The following ZEB1 variants were observed in gnomAD, a reference collection of about 807,000 sequenced individuals.
ZEB1 encodes zinc finger E-box-binding homeobox 1.
Under a neutral mutation model 84.9 loss-of-function variants are expected in ZEB1, and 21 were observed. The ratio of observed to expected loss-of-function variants is 0.25; its 90% CI spans 0.18 to 0.36. The LOEUF (loss-of-function observed/expected upper bound fraction) is 0.36, where lower values mean the gene tolerates loss of function less well. Among genes scored for constraint, ZEB1 ranks in the 10% least tolerant of loss-of-function variants. The pLI is 1.00. For missense variants in ZEB1, 1,104 were observed against 1,330.2 expected, an observed-to-expected ratio of 0.83 and a Z score of 2.65; for synonymous variants, 420 against 471.1, an observed-to-expected ratio of 0.89 and a Z score of 1.41.
intron 2 of ZEB1, among the ~76,000 whole-genome samples, chr10:31,470,049 A>G (rs12265933): frequency 0.057 from 8,646 of 151,300 alleles, 673 homozygotes; most frequent in African/African-American, 0.17. Flanking sequence ...CATCCACACC[A>G]AAAACCCATC....
chr10:31,493,799 G>A (rs1355313905), intron 2 of ZEB1, among the ~76,000 whole-genome samples: 1 of 151,992 alleles, frequency 6.6e-6, no homozygotes, highest in Non-Finnish European at 1.5e-5. Context: ...CCTCAATAAT[G>A]AGGGAAAAAA....
At chr10:31,410,952 A>C (rs1165678570) in intron 1 of ZEB1, among the ~76,000 whole-genome samples, 1 of 152,028 alleles carries the variant, frequency 6.6e-6, no homozygotes, top group East Asian at 1.9e-4. Context: ...CAGCTTCTGG[A>C]TTCATTGATT....
intron 1 of ZEB1, among the ~76,000 whole-genome samples, chr10:31,345,596 G>A (rs780783081): frequency 2.0e-5 from 3 of 152,018 alleles, no homozygotes; most frequent in Admixed American, 2.0e-4. Flanking sequence ...GGGTTATGAG[G>A]CCCACCTTGA....
intron 1 of ZEB1, among the ~76,000 whole-genome samples, chr10:31,427,752 G>T (rs549594977): frequency 6.6e-6 from 1 of 151,988 alleles, no homozygotes; most frequent in Non-Finnish European, 1.5e-5. Context: ...CCAGCTACTC[G>T]AGAGGCTGAG....
At chr10:31,357,705 C>T (rs2042336849) in intron 1 of ZEB1, among the ~76,000 whole-genome samples, 1 of 151,834 alleles carries the variant, frequency 6.6e-6, no homozygotes, top group Non-Finnish European at 1.5e-5. Context: ...TGTTAGTTTC[C>T]TAATAGCTAA....
chr10:31,382,036 A>C (rs540281321), intron 1 of ZEB1, among the ~76,000 whole-genome samples: 1 of 146,344 alleles, frequency 6.8e-6, no homozygotes, highest in African/African-American at 2.6e-5. Flanking sequence ...AAAAAAAAAC[A>C]AAGTAAATTT....
chr10:31,416,404 G>A (rs989560103), intron 1 of ZEB1, among the ~76,000 whole-genome samples: 2 of 152,052 alleles, frequency 1.3e-5, no homozygotes, highest in African/African-American at 4.8e-5. Flanking sequence ...AGATGATGTT[G>A]TGCTGATGTA....
chr10:31,400,361 A>G (rs1266540769), intron 1 of ZEB1, among the ~76,000 whole-genome samples: 1 of 152,198 alleles, frequency 6.6e-6, no homozygotes, highest in East Asian at 1.9e-4. Flanking sequence ...ATCATTGAAT[A>G]AGCATTCAAA....
chr10:31,519,257 G>A (rs950169291), intron 6 of ZEB1, among the ~76,000 whole-genome samples: 1 of 152,078 alleles, frequency 6.6e-6, no homozygotes, highest in Admixed American at 6.6e-5. Flanking sequence ...GGAAACATTA[G>A]GTTTGTAGGA....
intron 1 of ZEB1, among the ~76,000 whole-genome samples, chr10:31,323,841 T>A (rs1006244711): frequency 6.6e-6 from 1 of 152,026 alleles, no homozygotes; most frequent in Non-Finnish European, 1.5e-5. Context: ...TAGTGGTGTT[T>A]TTATAAATGC....
At chr10:31,321,173 GT>G in intron 1 of ZEB1, 1 of 1,084,328 alleles carries the variant, frequency 9.2e-7, no homozygotes, top group Non-Finnish European at 1.1e-6. Flanking sequence ...GCGAGGTTTT[GT>G]AACCTTTCCT....
chr10:31,474,526 A>C (rs576146641), intron 2 of ZEB1, among the ~76,000 whole-genome samples: 1 of 152,304 alleles, frequency 6.6e-6, no homozygotes, highest in Admixed American at 6.5e-5. Flanking sequence ...ATCTCACACC[A>C]GTTAGAATGG....
At chr10:31,513,217 A>G (rs2070423806) in intron 5 of ZEB1, among the ~76,000 whole-genome samples, 1 of 152,182 alleles carries the variant, frequency 6.6e-6, no homozygotes, top group African/African-American at 2.4e-5. Flanking sequence ...TGTTGGCTTC[A>G]GAATATGTTC....
chr10:31,418,317 C>T (rs1260627012), intron 1 of ZEB1, among the ~76,000 whole-genome samples: 1 of 151,716 alleles, frequency 6.6e-6, no homozygotes, highest in African/African-American at 2.4e-5. Context: ...AAAAACAAAA[C>T]AAAACACCAA....
At chr10:31,361,003 C>T in intron 1 of ZEB1, 2 of 1,608,150 alleles carry the variant, frequency 1.2e-6, no homozygotes, top group South Asian at 1.1e-5. Flanking sequence ...GGTACAGGCG[C>T]TTTACAAGGC....
At chr10:31,489,862 G>C (rs960494506) in intron 2 of ZEB1, among the ~76,000 whole-genome samples, 1 of 151,194 alleles carries the variant, frequency 6.6e-6, no homozygotes, top group Non-Finnish European at 1.5e-5. Context: ...CTTTATGACA[G>C]TCTTCCTTTA....
chr10:31,487,646 T>C (rs1379373103), intron 2 of ZEB1, among the ~76,000 whole-genome samples: 2 of 151,432 alleles, frequency 1.3e-5, no homozygotes, highest in Admixed American at 1.3e-4. Context: ...AATTCTTTTA[T>C]TGACTTATTG....
intron 1 of ZEB1, among the ~76,000 whole-genome samples, chr10:31,449,520 G>A (rs566028873): frequency 4.7e-4 from 71 of 152,090 alleles, no homozygotes; most frequent in African/African-American, 1.4e-3. Flanking sequence ...GTTTCATTTT[G>A]GTGAAAGTCT....
At chr10:31,481,481 A>G (rs1287616243) in intron 2 of ZEB1, among the ~76,000 whole-genome samples, 1 of 152,010 alleles carries the variant, frequency 6.6e-6, no homozygotes, top group Non-Finnish European at 1.5e-5. Context: ...AGATGAGCCT[A>G]GAATAGTAAG....
Sources: allele counts gnomAD v4.1 joint callset (sites outside exome capture counted in the v4.1 genomes callset), GRCh38; gene constraint gnomAD v4.1.1; transcripts MANE v1.5; gene names NCBI Gene and HGNC (gene_info 2026-07-23, HGNC 2026-07-21).